GRIA1: variants seen among roughly 807,000 people sequenced by gnomAD.
GRIA1 encodes the protein glutamate ionotropic receptor AMPA type subunit 1, also known as glutamate receptor 1.
Under a neutral mutation model 99.2 loss-of-function variants are expected in GRIA1, and 31 were observed. That is an observed-to-expected ratio of 0.31 (90% confidence interval 0.23 to 0.42). GRIA1 has a LOEUF of 0.42. Ranked by LOEUF, GRIA1 falls within the 10% of genes least tolerant of loss-of-function variation. The pLI, the probability that GRIA1 is intolerant of heterozygous loss-of-function variation, is 1.00. For missense variants in GRIA1, 782 were observed against 1,157.5 expected (o/e 0.68, Z 4.71); for synonymous variants, 438 against 432.4 (o/e 1.01, Z -0.16).
At chr5:153,561,615 GA>G (rs1227810757) in intron 2 of GRIA1, among the ~76,000 whole-genome samples, 3 of 150,158 alleles carry the variant, frequency 2.0e-5, no homozygotes, top group African/African-American at 4.9e-5. Flanking sequence ...AGAAATGGGG[GA>G]AAAAAAGCTT....
At chr5:153,717,735 G>C (rs1258365263) in intron 11 of GRIA1, among the ~76,000 whole-genome samples, 8 of 152,198 alleles carry the variant, frequency 5.3e-5, no homozygotes, top group Non-Finnish European at 1.2e-4. Flanking sequence ...CACCTTTGTT[G>C]ATTGGTGTTA....
intron 11 of GRIA1, among the ~76,000 whole-genome samples, chr5:153,713,990 A>T (rs570381977): frequency 1.1e-4 from 16 of 152,358 alleles, no homozygotes; most frequent in Middle Eastern, 3.4e-3. Flanking sequence ...GCAATAAATA[A>T]AATAAAAATG....
At chr5:153,565,976 C>T (rs12522329) in intron 2 of GRIA1, among the ~76,000 whole-genome samples, 14,682 of 151,956 alleles carry the variant, frequency 0.097, 775 homozygotes, top group South Asian at 0.19. Context: ...TTTCATTTTT[C>T]TTGAGTGTGT....
Position 153,628,306 on chromosome 5 carries a change from G to A in GRIA1, c.221-18622G>A, listed in dbSNP as rs144121060. ...GAGGAAAGTCTATTTGCCTGTGCTT[G>A]CTTTTCCGAAGGCAGGACGGCTACA... On this transcript the variant is annotated intron_variant, in intron 2 of 15. Coordinates refer to ENST00000285900, the MANE Select transcript of GRIA1 (RefSeq NM_000827.4). 5.0e-3 allele frequency among the ~76,000 whole-genome samples: 755 copies of A among 152,282 alleles called. 5 individuals are homozygous for A. The highest frequency in any genetic ancestry group is 0.017 in the African/African-American group (707 of 41,550).
At chr5:153,499,012 A>C (rs1465604820) in intron 2 of GRIA1, among the ~76,000 whole-genome samples, 1 of 152,210 alleles carries the variant, frequency 6.6e-6, no homozygotes, top group Non-Finnish European at 1.5e-5. Context: ...AAAAATAATA[A>C]AAGACACAAA....
chr5:153,619,740 G>T (rs1267471697), intron 2 of GRIA1, among the ~76,000 whole-genome samples: 1 of 151,966 alleles, frequency 6.6e-6, no homozygotes, highest in Non-Finnish European at 1.5e-5. Flanking sequence ...ATTAAGAGTG[G>T]GAAAATACTA....
In GRIA1 at chr5:153,586,061, G is replaced by GTTCA. The variant is rs143388223; in HGVS notation, c.221-60867_221-60866insTTCA. 8.4e-3 allele frequency among the ~76,000 whole-genome samples: 1,272 copies of GTTCA among 152,282 alleles called. 18 individuals are homozygous for GTTCA. The highest frequency in any genetic ancestry group is 0.029 in the African/African-American group (1,213 of 41,550). ...ATTCAATAGTTCAAGCTATCAGCAT[G>GTTCA]ATGTCACTGAATGAGAAGTTGGGAA... On this transcript the variant is annotated intron_variant, in intron 2 of 15. Coordinates refer to ENST00000285900, the MANE Select transcript of GRIA1 (RefSeq NM_000827.4).
chr5:153,748,057 A>C (rs888878852), intron 11 of GRIA1, among the ~76,000 whole-genome samples: 3 of 152,122 alleles, frequency 2.0e-5, no homozygotes, highest in South Asian at 4.2e-4. Context: ...CATTGATAAG[A>C]CCCCCGCCCT....
At chr5:153,801,947 T>TGGGGCGGGGG (rs1766056560) in intron 14 of GRIA1, among the ~76,000 whole-genome samples, 1 of 1,754 alleles carries the variant, frequency 5.7e-4, no homozygotes, top group East Asian at 0.02. Context: ...CAGAGGAAAT[T>TGGGGCGGGGG]GGGGCGGGGG....
At chr5:153,762,923 A>G (rs1012674395) in intron 11 of GRIA1, among the ~76,000 whole-genome samples, 2 of 152,194 alleles carry the variant, frequency 1.3e-5, no homozygotes, top group African/African-American at 2.4e-5. Flanking sequence ...TACAAGCCTC[A>G]TGCCAACTCT....
At chr5:153,578,576 C>A (rs1202810027) in intron 2 of GRIA1, among the ~76,000 whole-genome samples, 1 of 152,124 alleles carries the variant, frequency 6.6e-6, no homozygotes, top group Non-Finnish European at 1.5e-5. Flanking sequence ...ACTGGAAGGT[C>A]ACAAGTAGAA....
At chr5:153,491,412 AGT>A in intron 1 of GRIA1, 1 of 613,766 alleles carries the variant, frequency 1.6e-6, no homozygotes, top group Non-Finnish European at 2.1e-6. Flanking sequence ...TGAAGGAGGC[AGT>A]GCTTTCTCTG....
intron 5 of GRIA1, among the ~76,000 whole-genome samples, chr5:153,656,950 A>G (rs1755005854): frequency 6.6e-6 from 1 of 152,214 alleles, no homozygotes; most frequent in Non-Finnish European, 1.5e-5. Flanking sequence ...ATGTGAAATC[A>G]TACAATATGT....
chr5:153,648,875 C>T (rs923469282), intron 3 of GRIA1, among the ~76,000 whole-genome samples: 1 of 150,660 alleles, frequency 6.6e-6, no homozygotes, highest in Admixed American at 6.6e-5. Flanking sequence ...ATCGCTAGAA[C>T]CTGCAAATAT....
chr5:153,726,134 A>G (rs1342340656), intron 11 of GRIA1, among the ~76,000 whole-genome samples: 3 of 152,234 alleles, frequency 2.0e-5, no homozygotes, highest in Non-Finnish European at 4.4e-5. Context: ...CTGCTTATGA[A>G]TGACCACTGG....
chr5:153,638,069 C>A (rs962888972), intron 2 of GRIA1, among the ~76,000 whole-genome samples: 1 of 152,150 alleles, frequency 6.6e-6, no homozygotes, highest in Non-Finnish European at 1.5e-5. Flanking sequence ...AAAGATGGGT[C>A]AACTTAGTAT....
chr5:153,671,367 A>G (rs2149481864), intron 5 of GRIA1, among the ~76,000 whole-genome samples: 1 of 152,336 alleles, frequency 6.6e-6, no homozygotes, highest in East Asian at 1.9e-4. Context: ...CTTTATGAAC[A>G]TGTTCTTTTT....
chr5:153,570,139 TTC>T (rs1761987371), intron 2 of GRIA1, among the ~76,000 whole-genome samples: 1 of 152,230 alleles, frequency 6.6e-6, no homozygotes, highest in South Asian at 2.1e-4. Flanking sequence ...TATTTTCTGT[TTC>T]TGTTCTAAGC....
At chr5:153,659,677 A>G (rs1755215267) in intron 5 of GRIA1, among the ~76,000 whole-genome samples, 1 of 152,244 alleles carries the variant, frequency 6.6e-6, no homozygotes, top group Non-Finnish European at 1.5e-5. Context: ...CGAATGCTTC[A>G]GTGCCACTGC....
Sources: allele counts gnomAD v4.1 joint callset (sites outside exome capture counted in the v4.1 genomes callset), GRCh38; gene constraint gnomAD v4.1.1; transcripts MANE v1.5; gene names NCBI Gene and HGNC (gene_info 2026-07-23, HGNC 2026-07-21).